The following MAST4 variants were observed in gnomAD, a reference collection of about 807,000 sequenced individuals.
MAST4 encodes the protein microtubule associated serine/threonine kinase family member 4, also known as microtubule-associated serine/threonine-protein kinase 4.
MAST4 carries 89 observed loss-of-function variants against 162.7 expected under a neutral mutation model. That is an observed-to-expected ratio of 0.55 (90% confidence interval 0.46 to 0.65). MAST4 has a LOEUF of 0.65. Ranked by LOEUF, MAST4 falls within the 30% of genes least tolerant of loss-of-function variation. The pLI, the probability that MAST4 is intolerant of heterozygous loss-of-function variation, is 0.00. For synonymous variants in MAST4, 1,479 were observed against 1,361.1 expected, an observed-to-expected ratio of 1.09 and a Z score of -1.91; for missense variants, 3,153 against 3,374.0, an observed-to-expected ratio of 0.93 and a Z score of 1.62.
At position 66,632,565 on chromosome 5, in the gene MAST4, G is replaced by C. The variant is rs983200221; in HGVS notation, c.363+35547G>C. ...TGTACAGTGCACCCCTCTGCACACT[G>C]TCTGCAACCTAGAGATCTCATTTCT... On this transcript the variant is annotated intron_variant, in intron 1 of 28. Transcript: ENST00000403625. Among the ~76,000 whole-genome samples, 6 of 152,154 alleles carry C rather than the reference G, an allele frequency of 3.9e-5. 1 individual carries two copies. The South Asian group carries it at 1.0e-3, about 26-fold the overall frequency.
Position 67,153,516 on chromosome 5 carries a change from C to G in MAST4, c.3584C>G (p.Thr1195Ser). Residue 1195 changes from threonine (T) to serine (S), a missense_variant, in exon 26 of 29, where the codon ACT (threonine) becomes AGT (serine). By Grantham distance (58) the Thr-to-Ser change is moderately conservative. Transcript: ENST00000403625. ...GGACTGAAGGCTGGAGATCTTATCACTCACATCAATGGAGAACCAGTGCAT... is the reference window on the plus strand; with the variant it reads ...GGACTGAAGGCTGGAGATCTTATCAGTCACATCAATGGAGAACCAGTGCAT... ...QAGLKAGDLI[T>S]HINGEPVHGL... 6.2e-7 allele frequency: 1 copy of G among 1,602,550 alleles called. No individual in the cohort carries two copies. Among genetic ancestry groups the G allele is most frequent in the Non-Finnish European group, 8.5e-7 (1 of 1,174,156 alleles).
chr5:66,960,284 A>G (rs565623676), intron 4 of MAST4, among the ~76,000 whole-genome samples: 1 of 152,350 alleles, frequency 6.6e-6, no homozygotes, highest in South Asian at 2.1e-4. Context: ...TCCTTAATTA[A>G]TAAAAGCATG....
chr5:66,963,915 T>C (rs1746330761), intron 4 of MAST4: 1 of 750,754 alleles, frequency 1.3e-6, no homozygotes, highest in Non-Finnish European at 2.5e-6. Flanking sequence ...GGTTGAATTG[T>C]TTACTTGGTG....
At chr5:66,801,532 A>G (rs1412095671) in intron 3 of MAST4, among the ~76,000 whole-genome samples, 2 of 152,220 alleles carry the variant, frequency 1.3e-5, no homozygotes, top group African/African-American at 4.8e-5. Flanking sequence ...TATATTGTGC[A>G]CCACTGGGGT....
intron 14 of MAST4, among the ~76,000 whole-genome samples, chr5:67,122,215 A>T (rs1272100251): frequency 1.3e-5 from 2 of 152,224 alleles, no homozygotes; most frequent in East Asian, 3.8e-4. Context: ...AGAGCAATAA[A>T]CAATCTCATT....
chr5:66,837,976 A>G (rs1232322662), intron 3 of MAST4, among the ~76,000 whole-genome samples: 1 of 149,388 alleles, frequency 6.7e-6, no homozygotes, highest in Non-Finnish European at 1.5e-5. Flanking sequence ...GAGCTTCCAA[A>G]TAACAACAAT....
At chr5:66,835,022 A>G (rs1757866430) in intron 3 of MAST4, among the ~76,000 whole-genome samples, 2 of 152,166 alleles carry the variant, frequency 1.3e-5, no homozygotes, top group Non-Finnish European at 2.9e-5. Flanking sequence ...AGCAGGTGCT[A>G]TCACCGGAAT....
At chr5:66,726,167 G>A (rs2149546782) in intron 1 of MAST4, among the ~76,000 whole-genome samples, 1 of 152,180 alleles carries the variant, frequency 6.6e-6, no homozygotes, top group African/African-American at 2.4e-5. Context: ...AGGTGGTCAG[G>A]GAAGGGAGGG....
At chr5:66,910,634 G>A (rs937525041) in intron 4 of MAST4, among the ~76,000 whole-genome samples, 1 of 151,594 alleles carries the variant, frequency 6.6e-6, no homozygotes, top group Non-Finnish European at 1.5e-5. Context: ...ACACCAAATG[G>A]TTTTCAGGGT....
At chr5:67,027,826 T>C (rs1180191990) in intron 4 of MAST4, among the ~76,000 whole-genome samples, 2 of 152,220 alleles carry the variant, frequency 1.3e-5, no homozygotes, top group African/African-American at 2.4e-5. Context: ...GTTTAAGATA[T>C]GCAGAGGAGA....
At chr5:66,660,166 A>G (rs1321495547) in intron 1 of MAST4, among the ~76,000 whole-genome samples, 1 of 152,222 alleles carries the variant, frequency 6.6e-6, no homozygotes, top group Non-Finnish European at 1.5e-5. Context: ...AGGTGGGTGG[A>G]TCACCTGAGG....
chr5:66,928,883 C>A (rs1425804229), intron 4 of MAST4, among the ~76,000 whole-genome samples: 2 of 152,158 alleles, frequency 1.3e-5, no homozygotes, highest in Non-Finnish European at 2.9e-5. Flanking sequence ...AATGATGATT[C>A]CCCTGAAGTG....
rs1359281032 is a variant in MAST4, at chr5:66,993,927, C to CCA, written c.675-60476_675-60475insAC. On this transcript the variant is annotated intron_variant, in intron 4 of 28. Transcript: ENST00000403625. ...TCAATGGGTGTGCAGAAGACCCCCC[C>CCA]CCCCACCCCACCAAATCTGCATTTC... is the stretch of plus-strand genomic sequence containing the variant. Among the ~76,000 whole-genome samples, 10 of 85,134 alleles carry CCA rather than the reference C, an allele frequency of 1.2e-4. 1 individual carries two copies. Among genetic ancestry groups the CCA allele is most frequent in the Non-Finnish European group, 1.9e-4 (8 of 41,732 alleles). The allele number at this position is 85,134 out of a possible 152,430, so 55.9% of individuals were successfully genotyped here. A position where few individuals can be genotyped will look rare whatever the true frequency, so the allele number is the denominator to read the frequency against.
intron 11 of MAST4, among the ~76,000 whole-genome samples, chr5:67,112,824 T>A (rs1243596482): frequency 6.6e-6 from 1 of 152,150 alleles, no homozygotes; most frequent in African/African-American, 2.4e-5. Flanking sequence ...CCACTTAACC[T>A]TCAGCCCCTG....
chr5:67,028,972 A>G (rs1329725986), intron 4 of MAST4, among the ~76,000 whole-genome samples: 1 of 152,096 alleles, frequency 6.6e-6, no homozygotes, highest in Non-Finnish European at 1.5e-5. Flanking sequence ...CTACAAAAAT[A>G]AAAGATAAAT....
At chr5:66,638,922 G>A (rs1045874250) in intron 1 of MAST4, among the ~76,000 whole-genome samples, 1 of 152,062 alleles carries the variant, frequency 6.6e-6, no homozygotes, top group African/African-American at 2.4e-5. Flanking sequence ...CACTTTTGGG[G>A]GAAAAGCAGT....
intron 24 of MAST4, among the ~76,000 whole-genome samples, chr5:67,152,116 A>G (rs1032417509): frequency 6.6e-6 from 1 of 152,202 alleles, no homozygotes; most frequent in African/African-American, 2.4e-5. Flanking sequence ...TGTAGAAATC[A>G]GCTGGTAAAT....
chr5:67,112,730 A>G (rs890763425), intron 11 of MAST4, among the ~76,000 whole-genome samples: 1 of 152,182 alleles, frequency 6.6e-6, no homozygotes, highest in African/African-American at 2.4e-5. Context: ...GCTATCCAGA[A>G]GCTCCCCAAG....
intron 4 of MAST4, among the ~76,000 whole-genome samples, chr5:66,944,316 T>C (rs970387433): frequency 3.9e-5 from 6 of 152,166 alleles, no homozygotes; most frequent in African/African-American, 1.4e-4. Context: ...CCTTTGGTGG[T>C]GGTTCTGAGT....
Sources: allele counts gnomAD v4.1 joint callset (sites outside exome capture counted in the v4.1 genomes callset), GRCh38; gene constraint gnomAD v4.1.1; transcripts MANE v1.5; gene names NCBI Gene and HGNC (gene_info 2026-07-23, HGNC 2026-07-21).